The following AFF2 variants were observed in gnomAD, a reference collection of about 807,000 sequenced individuals.
The protein encoded by AFF2 is AF4/FMR2 family member 2.
A neutral mutation model predicts 76.9 loss-of-function variants in AFF2; 14 were observed. That is an observed-to-expected ratio of 0.18 (90% CI 0.12 to 0.28). AFF2 has a LOEUF of 0.28. AFF2 is among the 10% of genes least tolerant of loss of function. The pLI is 1.00. For missense variants in AFF2, 868 were observed against 1,001.1 expected (o/e 0.87, Z 1.79); for synonymous variants, 398 against 366.7 (o/e 1.09, Z -0.98).
At chrX:148,562,106 G>A (rs991504771) in intron 1 of AFF2, among the ~76,000 whole-genome samples, 2 of 112,216 alleles carry the variant, frequency 1.8e-5, no homozygotes, top group South Asian at 3.7e-4. Context: ...TAACGTTGTT[G>A]CTTGTTTTAG....
At chrX:148,635,064 C>T (rs918967519) in intron 1 of AFF2, among the ~76,000 whole-genome samples, 1 of 111,366 alleles carries the variant, frequency 9.0e-6, no homozygotes, top group East Asian at 2.8e-4. Flanking sequence ...CCCGCCTCCC[C>T]CAAAATGTCC....
chrX:148,577,279 ATG>A (rs199980349), intron 1 of AFF2, among the ~76,000 whole-genome samples: 25,767 of 108,924 alleles, frequency 0.24, 2,470 homozygotes, highest in Non-Finnish European at 0.3. Flanking sequence ...ATTACCTTGG[ATG>A]TGTGTGTGTG....
intron 1 of AFF2, among the ~76,000 whole-genome samples, chrX:148,614,681 T>C (rs1313229759): frequency 1.0e-5 from 1 of 95,418 alleles, no homozygotes; most frequent in East Asian, 3.1e-4. Flanking sequence ...TTCTTCCTTC[T>C]TTCCTTCTTT....
chrX:148,842,944 T>A (rs376259205), intron 5 of AFF2, 22 bp from the exon 6 acceptor site: 6 of 1,162,783 alleles, frequency 5.2e-6, no homozygotes, highest in Non-Finnish European at 4.7e-6. Flanking sequence ...AATGTTTGTG[T>A]CATATATATT....
chrX:148,659,983 T>C (rs781820779), intron 2 of AFF2, among the ~76,000 whole-genome samples: 4 of 112,348 alleles, frequency 3.6e-5, no homozygotes, highest in African/African-American at 1.3e-4. Flanking sequence ...TGTTAATTGT[T>C]TAATCACTAC....
rs1008681086 is a variant in AFF2 at position 149,000,541 on chromosome X, A to C, written c.*9209A>C. On this transcript the variant is annotated 3_prime_UTR_variant, in exon 21 of 21. Coordinates refer to ENST00000370460, the MANE Select transcript of AFF2 (RefSeq NM_002025.4). ...TGTGGTTTTGTTGTTTTCCAACAAGATGTCTCTGTAAAAATGATATTGGCT... is the reference window on the plus strand; with the variant it reads ...TGTGGTTTTGTTGTTTTCCAACAAGCTGTCTCTGTAAAAATGATATTGGCT... 8.8e-5 allele frequency: 10 copies of C among 113,103 alleles called. No homozygotes were observed. The highest frequency in any genetic ancestry group is 3.2e-4 in the African/African-American group (10 of 31,034). 9.3% of individuals were successfully genotyped at this position (113,103 alleles called of 1,213,427 possible).
At position 148,985,285 on chromosome X, in the gene AFF2, CTTTTTTTTTTTTTTT is replaced by C. The variant is rs151339705; in HGVS notation, c.3624-2062_3624-2048del. On this transcript the variant is annotated intron_variant, in intron 19 of 20. Coordinates refer to ENST00000370460, the MANE Select transcript of AFF2 (RefSeq NM_002025.4). ...ACAGGCATGAGCCCCTGTGCCTGGCCTTTTTTTTTTTTTTTTTTTTTTTTTTTTTTTTTTATGATA... is the reference window on the plus strand; with the variant it reads ...ACAGGCATGAGCCCCTGTGCCTGGCCTTTTTTTTTTTTTTTTTTTATGATA... 5.8e-4 allele frequency among the ~76,000 whole-genome samples: 9 copies of C among 15,388 alleles called. 2 individuals are homozygous for C. In the South Asian group the frequency reaches 0.057, roughly 97 times the overall value. The allele number at this position is 15,388 out of a possible 115,157, so 13.4% of individuals were successfully genotyped here.
intron 1 of AFF2, among the ~76,000 whole-genome samples, chrX:148,651,171 C>T (rs782603190): frequency 2.6e-4 from 29 of 112,214 alleles, no homozygotes; most frequent in Non-Finnish European, 4.7e-4. Context: ...TTCCATAAAA[C>T]CAGAAGGCCT....
chrX:148,551,787 G>A (rs1603239896), intron 1 of AFF2, among the ~76,000 whole-genome samples: 1 of 111,805 alleles, frequency 8.9e-6, no homozygotes. Context: ...TGCCTGATGA[G>A]AGGGTCTTTG....
intron 1 of AFF2, among the ~76,000 whole-genome samples, chrX:148,565,066 A>G (rs1336608786): frequency 8.9e-6 from 1 of 111,893 alleles, no homozygotes; most frequent in Non-Finnish European, 1.9e-5. Flanking sequence ...GATGCTTGTT[A>G]TCAGTGGAAT....
chrX:148,640,589 C>A (rs2054078006), intron 1 of AFF2, among the ~76,000 whole-genome samples: 1 of 112,473 alleles, frequency 8.9e-6, no homozygotes, highest in African/African-American at 3.2e-5. Context: ...ATAACTGAGA[C>A]TGATAACTAA....
intron 4 of AFF2, among the ~76,000 whole-genome samples, chrX:148,818,155 TAAAATGGTTA>T (rs2070288742): frequency 9.0e-6 from 1 of 111,724 alleles, no homozygotes; most frequent in Non-Finnish European, 1.9e-5. Context: ...AGATAATGCT[TAAAATGGTTA>T]CTATTTGTAC....
In AFF2 at chrX:148,999,878, T is replaced by C. The variant is rs1165294769; in HGVS notation, c.*8546T>C. The stretch of plus-strand genomic sequence containing the variant: ...CAATTGAGTTTCCAAGAGGAAATTG[T>C]AGTAGGTCAAGATGCATGAGAGGGA... On this transcript the variant is annotated 3_prime_UTR_variant, in exon 21 of 21. Transcript: ENST00000370460. The C allele has an allele frequency of 1.8e-5, 2 of 111,533 alleles. No homozygotes were observed. Among genetic ancestry groups the C allele is most frequent in the Non-Finnish European group, 3.8e-5 (2 of 53,085 alleles). 9.2% of individuals were successfully genotyped at this position (111,533 alleles called of 1,213,427 possible).
chrX:148,850,476 TA>T (rs1402855186), intron 7 of AFF2, among the ~76,000 whole-genome samples: 3 of 111,181 alleles, frequency 2.7e-5, no homozygotes, highest in African/African-American at 9.8e-5. Flanking sequence ...GGACCAAAGT[TA>T]AAAAAAATTC....
At position 148,902,772 on chromosome X, in the gene AFF2, T is replaced by C. The variant is rs1398878310; in HGVS notation, c.1360-1449T>C. On this transcript the variant is annotated intron_variant, in intron 8 of 20. Coordinates refer to ENST00000370460, the MANE Select transcript of AFF2 (RefSeq NM_002025.4). ...ACCTCATTCCTTAGCTTTTTTCCTATTCTAGCACTTGCCAAAATTCAACCT... is the reference window on the plus strand; with the variant it reads ...ACCTCATTCCTTAGCTTTTTTCCTACTCTAGCACTTGCCAAAATTCAACCT... Among the ~76,000 whole-genome samples the C allele has an allele frequency of 3.6e-5, 4 of 112,086 alleles. No individual in the cohort carries two copies. The East Asian group carries it at 1.1e-3, about 31-fold the overall frequency.
rs2072573483 is a variant in AFF2 at position 148,994,683 on chromosome X, A to G, written c.*3351A>G. The G allele has an allele frequency of 8.9e-6, 1 of 112,452 alleles. No individual in the cohort carries two copies. Among genetic ancestry groups the G allele is most frequent in the African/African-American group, 3.2e-5 (1 of 30,938 alleles). The allele number at this position is 112,452 out of a possible 1,213,427, so 9.3% of individuals were successfully genotyped here. On this transcript the variant is annotated 3_prime_UTR_variant, in exon 21 of 21. Transcript: ENST00000370460. ...ATTTTCATTTGGACATTACATCACT[A>G]AATTCATTAGATTTTGTCTGCATTG... is the stretch of plus-strand genomic sequence containing the variant.
chrX:148,978,863 C>T (rs1002744106), intron 18 of AFF2, among the ~76,000 whole-genome samples: 2 of 111,847 alleles, frequency 1.8e-5, no homozygotes, highest in African/African-American at 6.5e-5. Flanking sequence ...TCTATGTGCA[C>T]GTCCACAACC....
chrX:148,880,820 A>T (rs1313973379), intron 7 of AFF2, among the ~76,000 whole-genome samples: 2 of 111,865 alleles, frequency 1.8e-5, no homozygotes, highest in Non-Finnish European at 3.8e-5. Flanking sequence ...AGTGTGGACT[A>T]TAGAGAGCAA....
At position 148,770,668 on chromosome X, in the gene AFF2, T is replaced by C. The variant is rs149348451; in HGVS notation, c.1042-39208T>C. Reference sequence around the variant, plus strand: ...CCTCACACAAGTCTTCAATAGAACATATGAAGAGCTGGGAGAAAGCCTCTC... The same window carrying C: ...CCTCACACAAGTCTTCAATAGAACACATGAAGAGCTGGGAGAAAGCCTCTC... On this transcript the variant is annotated intron_variant, in intron 3 of 20. Coordinates refer to ENST00000370460, the MANE Select transcript of AFF2 (RefSeq NM_002025.4). Among the ~76,000 whole-genome samples, 143 of 111,960 alleles carry C rather than the reference T, an allele frequency of 1.3e-3. 1 individual carries two copies. The highest frequency in any genetic ancestry group is 4.5e-3 in the African/African-American group (140 of 30,873).
Sources: gnomAD v4.1 joint callset for allele counts (sites outside exome capture counted in the v4.1 genomes callset) on GRCh38, gnomAD v4.1.1 for gene constraint, MANE v1.5 for transcripts, NCBI Gene and HGNC (gene_info 2026-07-23, HGNC 2026-07-21) for gene names.